The following ZNF292 variants were observed in gnomAD, a reference collection of about 807,000 sequenced individuals.
The protein encoded by ZNF292 is 16 zinc-finger domain protein.
Under a neutral mutation model 217.9 loss-of-function variants are expected in ZNF292, and 26 were observed. The observed-to-expected ratio is 0.12, with a 90% confidence interval of 0.09 to 0.17. The LOEUF (loss-of-function observed/expected upper bound fraction) is 0.17. ZNF292 is among the 10% of genes least tolerant of loss of function. The pLI is 1.00. For synonymous variants in ZNF292, 1,257 were observed against 1,124.1 expected, an observed-to-expected ratio of 1.12 and a Z score of -2.37; for missense variants, 2,904 against 3,175.2, an observed-to-expected ratio of 0.91 and a Z score of 2.05.
chr6:87,255,375 A>T lies in ZNF292; in HGVS notation c.1746A>T (p.Glu582Asp), dbSNP rs775601715. The T allele has an allele frequency of 6.2e-7, 1 of 1,613,732 alleles. No homozygotes were observed. Among genetic ancestry groups the T allele is most frequent in the Non-Finnish European group, 8.5e-7 (1 of 1,179,828 alleles). ...GTGCAAAGAACTTTAATTCTAAAGA[A>T]ACTTTTGTCCCTCATGTCACACTGC... ...PICAKNFNSK[E>D]TFVPHVTLHV... Residue 582 changes from glutamate (E) to aspartate (D), a missense_variant, in exon 8 of 8, where the codon GAA becomes GAT. Glu to Asp is a conservative substitution (Grantham distance 45). Transcript: ENST00000369577.
rs897107488 is a variant in ZNF292 at position 87,264,974 on chromosome 6, T to A, written c.*3173T>A. On this transcript the variant is annotated 3_prime_UTR_variant, in exon 8 of 8. Coordinates refer to ENST00000369577, the MANE Select transcript of ZNF292 (RefSeq NM_015021.3). ...GGAAGAGACTAATGGATAAGAGAGA[T>A]AATAAAAAGTAATGTCTAAGGCAGC... Among the ~76,000 whole-genome samples, 3 of 152,138 alleles carry A rather than the reference T, an allele frequency of 2.0e-5. No individual in the cohort carries two copies. The highest frequency in any genetic ancestry group is 7.2e-5 in the African/African-American group (3 of 41,432).
At chr6:87,218,993 T>C (rs1490779908) in intron 4 of ZNF292, among the ~76,000 whole-genome samples, 1 of 152,208 alleles carries the variant, frequency 6.6e-6, no homozygotes, top group Non-Finnish European at 1.5e-5. Context: ...CTGTAACTTC[T>C]GACAGGTGGC....
In ZNF292 at chr6:87,245,491, T is replaced by C; in HGVS notation, c.879-12T>C. 6.7e-7 allele frequency: 1 copy of C among 1,489,348 alleles called. No individual in the cohort carries two copies. The highest frequency in any genetic ancestry group is 8.9e-7 in the Non-Finnish European group (1 of 1,119,742). The allele number at this position is 1,489,348 out of a possible 1,614,324, so 92.3% of individuals were successfully genotyped here. On this transcript the variant is annotated splice_polypyrimidine_tract_variant and intron_variant, in intron 6 of 7. Coordinates refer to ENST00000369577, the MANE Select transcript of ZNF292 (RefSeq NM_015021.3). The stretch of plus-strand genomic sequence containing the variant: ...GCTCCAACTTTTCTTATTATAACTT[T>C]TTTTTTTTAAGGGAACTTACTCTCT...
chr6:87,252,634 C>G (rs570086507), intron 7 of ZNF292, among the ~76,000 whole-genome samples: 1 of 152,154 alleles, frequency 6.6e-6, no homozygotes, highest in South Asian at 2.1e-4. Flanking sequence ...TCCCAGACTT[C>G]TTTCTTTGTG....
At chr6:87,225,622 C>A (rs1773307986) in intron 4 of ZNF292, among the ~76,000 whole-genome samples, 1 of 152,120 alleles carries the variant, frequency 6.6e-6, no homozygotes, top group Non-Finnish European at 1.5e-5. Flanking sequence ...ACAATCACAA[C>A]CCATCTTTTT....
At chr6:87,210,939 A>T (rs1269601497) in intron 1 of ZNF292, among the ~76,000 whole-genome samples, 1 of 152,180 alleles carries the variant, frequency 6.6e-6, no homozygotes, top group Non-Finnish European at 1.5e-5. Context: ...TTAAAAGAAA[A>T]GCCAGAAACC....
chr6:87,228,039 C>T (rs1773448072), intron 4 of ZNF292, among the ~76,000 whole-genome samples: 1 of 152,138 alleles, frequency 6.6e-6, no homozygotes, highest in Non-Finnish European at 1.5e-5. Context: ...ATAGAGGGTA[C>T]ATCATTTTAC....
chr6:87,169,589 C>T, intron 1 of ZNF292: 3 of 325,252 alleles, frequency 9.2e-6, no homozygotes, highest in Admixed American at 3.8e-5. Flanking sequence ...AAATTATTTC[C>T]AGTAAATAGG....
intron 7 of ZNF292, among the ~76,000 whole-genome samples, chr6:87,247,930 T>G (rs935670943): frequency 6.6e-6 from 1 of 152,196 alleles, no homozygotes; most frequent in African/African-American, 2.4e-5. Flanking sequence ...GCAGATGGAT[T>G]ATACAGATTA....
In ZNF292 at chr6:87,220,477, C is replaced by T. The variant is rs150819329; in HGVS notation, c.538+1746C>T. Among the ~76,000 whole-genome samples the T allele has an allele frequency of 3.6e-3, 550 of 152,114 alleles. 2 individuals are homozygous for T. The highest frequency in any genetic ancestry group is 0.013 in the African/African-American group (529 of 41,522). ...CATTACCAGTGATGAGAGGCAGAGC[C>T]AGGAATTAAAATCAGACCTCAGCCT... On this transcript the variant is annotated intron_variant, in intron 4 of 7. Transcript: ENST00000369577.
chr6:87,175,458 C>T (rs1270431466), intron 1 of ZNF292, among the ~76,000 whole-genome samples: 1 of 152,132 alleles, frequency 6.6e-6, no homozygotes, highest in African/African-American at 2.4e-5. Context: ...GCCTCAGCCA[C>T]CTGAGTAGCT....
At chr6:87,162,112 A>G (rs1770773176) in intron 1 of ZNF292, among the ~76,000 whole-genome samples, 1 of 152,212 alleles carries the variant, frequency 6.6e-6, no homozygotes, top group East Asian at 1.9e-4. Context: ...CAACTTAAAG[A>G]GTTCAAAGTA....
At chr6:87,168,662 G>A (rs1432609503) in intron 1 of ZNF292, among the ~76,000 whole-genome samples, 2 of 152,134 alleles carry the variant, frequency 1.3e-5, no homozygotes, top group Admixed American at 6.5e-5. Context: ...TGGAGACGGA[G>A]TTTCACCATG....
chr6:87,257,477 C>A lies in ZNF292; in HGVS notation c.3848C>A (p.Thr1283Asn). 1.2e-6 allele frequency: 2 copies of A among 1,612,790 alleles called. No homozygotes were observed. Among genetic ancestry groups the A allele is most frequent in the Non-Finnish European group, 1.7e-6 (2 of 1,179,434 alleles). ...TTCCCTTCACCAGCAGATAGTGGGACTAATTCTGTTTTTTCCCAACTGGAA... is the reference window on the plus strand; with the variant it reads ...TTCCCTTCACCAGCAGATAGTGGGAATAATTCTGTTTTTTCCCAACTGGAA... ...SLFPSPADSG[T>N]NSVFSQLENN... is the part of the protein sequence containing the mutation. Residue 1283 changes from threonine to asparagine, a missense_variant, in exon 8 of 8, where the codon ACT becomes AAT. Thr to Asn is a moderately conservative substitution (Grantham distance 65). Coordinates refer to ENST00000369577, the MANE Select transcript of ZNF292 (RefSeq NM_015021.3).
chr6:87,240,004 T>A (rs2127834597), intron 5 of ZNF292, among the ~76,000 whole-genome samples: 1 of 152,108 alleles, frequency 6.6e-6, no homozygotes, highest in South Asian at 2.1e-4. Context: ...GGCAGGCGGC[T>A]GGGAGGTGGA....
intron 1 of ZNF292, among the ~76,000 whole-genome samples, chr6:87,158,076 C>T (rs928249893): frequency 2.6e-5 from 4 of 152,144 alleles, no homozygotes; most frequent in African/African-American, 9.7e-5. Context: ...TTTCCTATAT[C>T]AGTTTCATTA....
At chr6:87,231,911 T>C (rs1308564274) in intron 4 of ZNF292, among the ~76,000 whole-genome samples, 1 of 152,182 alleles carries the variant, frequency 6.6e-6, no homozygotes, top group Non-Finnish European at 1.5e-5. Context: ...ATTATAACTT[T>C]GTTTTTTAGT....
chr6:87,213,185 C>T (rs991488927), intron 1 of ZNF292, among the ~76,000 whole-genome samples: 15 of 152,166 alleles, frequency 9.9e-5, no homozygotes, highest in Admixed American at 6.5e-4. Context: ...TGGTTTGTGA[C>T]AAAAGTCTGG....
rs781515951 is a variant in ZNF292, at chr6:87,255,876, A to C, written c.2247A>C (p.Pro749=). 4 of 1,613,848 alleles carry C rather than the reference A, an allele frequency of 2.5e-6. No homozygotes were observed. The East Asian group carries it at 8.9e-5, about 36-fold the overall frequency. The change falls in exon 8 of 8, where the codon CCA becomes CCC. Residue 749 remains proline, a synonymous_variant. Coordinates refer to ENST00000369577, the MANE Select transcript of ZNF292 (RefSeq NM_015021.3). ...DHLQMHCGSK[P]YICIQMKCKA... is the part of the protein sequence containing the mutation. ...TACAGATGCACTGTGGCAGTAAACCATATATCTGTATACAGATGAAATGTA... is the reference window on the plus strand; with the variant it reads ...TACAGATGCACTGTGGCAGTAAACCCTATATCTGTATACAGATGAAATGTA...
Sources: allele counts gnomAD v4.1 joint callset (sites outside exome capture counted in the v4.1 genomes callset), GRCh38; gene constraint gnomAD v4.1.1; transcripts MANE v1.5; gene names NCBI Gene and HGNC (gene_info 2026-07-23, HGNC 2026-07-21).